The following FAT3 variants were observed in gnomAD, a reference collection of about 807,000 sequenced individuals.
The protein encoded by FAT3 is protocadherin Fat 3.
In FAT3, 95 loss-of-function variants were observed where a neutral mutation model predicts 310.2. That is an observed-to-expected ratio of 0.31 (90% CI 0.26 to 0.36). The LOEUF is 0.36. Ranked by LOEUF, FAT3 falls within the 10% of genes least tolerant of loss-of-function variation. FAT3 has a pLI of 1.00. For missense variants in FAT3, 5,408 were observed against 5,715.6 expected (o/e 0.95, Z 1.74); for synonymous variants, 2,314 against 2,192.9 (o/e 1.06, Z -1.54).
chr11:92,385,342 A>G (rs1949592380), intron 2 of FAT3, among the ~76,000 whole-genome samples: 1 of 152,006 alleles, frequency 6.6e-6, no homozygotes. Flanking sequence ...TGCTGATTTT[A>G]TTTCATTTTT....
chr11:92,776,419 G>A (rs756664795), intron 7 of FAT3, among the ~76,000 whole-genome samples: 7 of 152,138 alleles, frequency 4.6e-5, no homozygotes, highest in Non-Finnish European at 8.8e-5. Flanking sequence ...ATTTAACAGC[G>A]TTTGTTCCAC....
intron 1 of FAT3, among the ~76,000 whole-genome samples, chr11:92,317,547 A>G (rs1947496271): frequency 6.6e-6 from 1 of 152,226 alleles, no homozygotes; most frequent in African/African-American, 2.4e-5. Flanking sequence ...GTATTGCTGA[A>G]TATCAAGTTC....
intron 1 of FAT3, among the ~76,000 whole-genome samples, chr11:92,297,611 G>C (rs937834008): frequency 4.6e-5 from 7 of 152,084 alleles, no homozygotes; most frequent in African/African-American, 1.7e-4. Flanking sequence ...GAGCAGTAAA[G>C]AGCTTCCACC....
chr11:92,330,737 T>A (rs1947896319), intron 1 of FAT3, among the ~76,000 whole-genome samples: 1 of 152,208 alleles, frequency 6.6e-6, no homozygotes, highest in African/African-American at 2.4e-5. Flanking sequence ...TATTATTTAT[T>A]TGGGTAAATA....
chr11:92,829,100 A>G (rs1948172823), intron 13 of FAT3, among the ~76,000 whole-genome samples: 1 of 152,230 alleles, frequency 6.6e-6, no homozygotes, highest in Non-Finnish European at 1.5e-5. Flanking sequence ...CTGAAAAGGA[A>G]AAATTTCCAA....
chr11:92,667,688 G>T (rs1353525164), intron 3 of FAT3, among the ~76,000 whole-genome samples: 2 of 152,124 alleles, frequency 1.3e-5, no homozygotes, highest in Non-Finnish European at 2.9e-5. Context: ...ACAGGTGGCA[G>T]CCCCCTTTCT....
At chr11:92,272,744 C>T (rs747027063) in intron 1 of FAT3, among the ~76,000 whole-genome samples, 3 of 152,028 alleles carry the variant, frequency 2.0e-5, no homozygotes, top group Non-Finnish European at 2.9e-5. Context: ...GGACAGGGAT[C>T]CTCAGGCCAT....
chr11:92,672,747 G>A (rs1046339802), intron 3 of FAT3, among the ~76,000 whole-genome samples: 2 of 152,162 alleles, frequency 1.3e-5, no homozygotes, highest in African/African-American at 2.4e-5. Context: ...GAAGACAAAG[G>A]AGAGGTCAGT....
intron 3 of FAT3, among the ~76,000 whole-genome samples, chr11:92,661,332 A>G (rs1942772592): frequency 6.6e-6 from 1 of 152,188 alleles, no homozygotes; most frequent in Admixed American, 6.5e-5. Flanking sequence ...CATGAAGCCG[A>G]CAGAAAGGTG....
chr11:92,424,274 T>A (rs938630420), intron 2 of FAT3, among the ~76,000 whole-genome samples: 5 of 152,140 alleles, frequency 3.3e-5, no homozygotes, highest in African/African-American at 1.2e-4. Context: ...TTGCTAATTT[T>A]GATAGTTTTT....
chr11:92,830,362 T>C (rs971515560), intron 13 of FAT3, among the ~76,000 whole-genome samples: 10 of 152,234 alleles, frequency 6.6e-5, no homozygotes, highest in African/African-American at 2.4e-4. Context: ...CTTTAGTACA[T>C]AGTAACATAA....
rs548765077 is a variant in FAT3 at position 92,765,122 on chromosome 11, A to C, written c.4195+33A>C. ...CGAGTCTTACAGAGCAGTATCATGC[A>C]ATGTAATAATTGACTGAAGCAACTA... is the stretch of plus-strand genomic sequence containing the variant. On this transcript the variant is annotated intron_variant, in intron 6 of 27. Coordinates refer to ENST00000525166, the MANE Select transcript of FAT3 (RefSeq NM_001367949.2). 4 of 1,500,838 alleles carry C rather than the reference A, an allele frequency of 2.7e-6. No homozygotes were observed. In the African/African-American group the frequency reaches 5.7e-5, roughly 21 times the overall value. The allele number at this position is 1,500,838 out of a possible 1,614,324, so 93.0% of individuals were successfully genotyped here.
At chr11:92,388,327 T>C (rs1565278062) in intron 2 of FAT3, among the ~76,000 whole-genome samples, 1 of 152,142 alleles carries the variant, frequency 6.6e-6, no homozygotes, top group Non-Finnish European at 1.5e-5. Flanking sequence ...ATATGTCCAG[T>C]CTTCAGAGGA....
At chr11:92,466,951 A>G (rs1276415811) in intron 2 of FAT3, among the ~76,000 whole-genome samples, 1 of 151,802 alleles carries the variant, frequency 6.6e-6, no homozygotes, top group Non-Finnish European at 1.5e-5. Context: ...CATGGTGTAT[A>G]TGTGCCACAT....
At chr11:92,287,275 A>C (rs150563018) in intron 1 of FAT3, among the ~76,000 whole-genome samples, 16 of 152,250 alleles carry the variant, frequency 1.1e-4, no homozygotes, top group African/African-American at 3.9e-4. Context: ...ATTAATTTTT[A>C]ATAGAGGAAT....
In FAT3 at chr11:92,374,030, GGA is replaced by G. The variant is rs58680206; in HGVS notation, c.3292+18653_3292+18654del. The stretch of plus-strand genomic sequence containing the variant: ...CCAAAGGACTCTCAGACAGAGAGAG[GGA>G]GAGAGAGAGAGAGAGAGAGAGAGAG... On this transcript the variant is annotated intron_variant, in intron 2 of 27. Transcript: ENST00000525166. Among the ~76,000 whole-genome samples, 369 of 142,094 alleles carry G rather than the reference GGA, an allele frequency of 2.6e-3. 10 individuals carry two copies. In the South Asian group the frequency reaches 0.055, roughly 21 times the overall value. The allele number at this position is 142,094 out of a possible 152,430, so 93.2% of individuals were successfully genotyped here. A position where few individuals can be genotyped will look rare whatever the true frequency, so the allele number is the denominator to read the frequency against.
chr11:92,711,040 CA>C (rs2135947949), intron 4 of FAT3, among the ~76,000 whole-genome samples: 1 of 152,028 alleles, frequency 6.6e-6, no homozygotes, highest in African/African-American at 2.4e-5. Flanking sequence ...GAAAATTTAA[CA>C]AAAACAGAGA....
intron 3 of FAT3, among the ~76,000 whole-genome samples, chr11:92,604,049 G>A (rs1940158941): frequency 6.6e-6 from 1 of 152,188 alleles, no homozygotes. Context: ...CACTGAAATG[G>A]ATGTCACATG....
chr11:92,492,145 A>G (rs1952619908), intron 2 of FAT3, among the ~76,000 whole-genome samples: 1 of 152,094 alleles, frequency 6.6e-6, no homozygotes, highest in South Asian at 2.1e-4. Context: ...ATGTACTCCT[A>G]TTACAGAAGA....
Sources: gnomAD v4.1 joint callset for allele counts (sites outside exome capture counted in the v4.1 genomes callset) on GRCh38, gnomAD v4.1.1 for gene constraint, MANE v1.5 for transcripts, NCBI Gene and HGNC (gene_info 2026-07-23, HGNC 2026-07-21) for gene names.